MACROD2: variants seen among roughly 807,000 people sequenced by gnomAD.
MACROD2 encodes the protein mono-ADP ribosylhydrolase 2.
In MACROD2, 36 loss-of-function variants were observed where a neutral mutation model predicts 70.4. The ratio of observed to expected loss-of-function variants is 0.51; its 90% confidence interval spans 0.39 to 0.68. The LOEUF is 0.68. MACROD2 is among the 30% of genes least tolerant of loss of function. MACROD2 has a pLI of 0.00. For synonymous variants in MACROD2, 172 were observed against 178.8 expected (o/e 0.96, Z 0.30); for missense variants, 496 against 538.4 (o/e 0.92, Z 0.78).
At chr20:14,270,184 CAT>C (rs1294868681) in intron 3 of MACROD2, among the ~76,000 whole-genome samples, 1 of 152,044 alleles carries the variant, frequency 6.6e-6, no homozygotes, top group Non-Finnish European at 1.5e-5. Context: ...TCAAAAACAA[CAT>C]ATGAAAGTGT....
intron 3 of MACROD2, among the ~76,000 whole-genome samples, chr20:14,250,777 A>G (rs1433434298): frequency 6.6e-6 from 1 of 152,198 alleles, no homozygotes; most frequent in Non-Finnish European, 1.5e-5. Flanking sequence ...CAATAATAAT[A>G]ATAATGTCAA....
intron 3 of MACROD2, among the ~76,000 whole-genome samples, chr20:14,225,351 A>G (rs2081722594): frequency 6.6e-6 from 1 of 152,232 alleles, no homozygotes. Context: ...TATATGAGAA[A>G]TATTGGAACA....
chr20:15,094,741 T>C (rs2075816318), intron 5 of MACROD2, among the ~76,000 whole-genome samples: 1 of 152,194 alleles, frequency 6.6e-6, no homozygotes, highest in Admixed American at 6.5e-5. Flanking sequence ...TCTTTTTCTT[T>C]GTTTCTTAAA....
At chr20:14,489,106 G>A (rs1049253008) in intron 3 of MACROD2, among the ~76,000 whole-genome samples, 1 of 152,218 alleles carries the variant, frequency 6.6e-6, no homozygotes, top group African/African-American at 2.4e-5. Context: ...AGCATGAACT[G>A]TAAAGTATTA....
chr20:15,116,630 A>C (rs1217648355), intron 5 of MACROD2, among the ~76,000 whole-genome samples: 2 of 152,144 alleles, frequency 1.3e-5, no homozygotes, highest in African/African-American at 4.8e-5. Context: ...GGGCAATAAG[A>C]ACGGAAATTC....
In MACROD2 at chr20:14,915,384, C is replaced by T. The variant is rs1038646350; in HGVS notation, c.418+230425C>T. 3.3e-5 allele frequency among the ~76,000 whole-genome samples: 5 copies of T among 152,162 alleles called. No individual in the cohort carries two copies. In the South Asian group the frequency reaches 1.0e-3, roughly 32 times the overall value. On this transcript the variant is annotated intron_variant, in intron 5 of 17. Transcript: ENST00000684519. ...AGTAAGAGAAATGTGGGAAGAAGTT[C>T]AAGGAACAGAAACTGTTTGGGGAAG...
At chr20:13,996,938 A>G (rs925400238) in intron 1 of MACROD2, among the ~76,000 whole-genome samples, 3 of 152,188 alleles carry the variant, frequency 2.0e-5, no homozygotes, top group African/African-American at 7.2e-5. Context: ...ATAGTTCGTT[A>G]AAACCTGTAG....
At chr20:16,008,416 T>G (rs1037729142) in intron 15 of MACROD2, among the ~76,000 whole-genome samples, 4 of 152,220 alleles carry the variant, frequency 2.6e-5, no homozygotes, top group Admixed American at 2.0e-4. Flanking sequence ...AAAGATTTAT[T>G]TTTAATAGAA....
At chr20:14,283,950 G>C (rs1304170671) in intron 3 of MACROD2, among the ~76,000 whole-genome samples, 1 of 152,196 alleles carries the variant, frequency 6.6e-6, no homozygotes, top group Admixed American at 6.6e-5. Context: ...GGTTGGAAAT[G>C]CTTACATGTT....
chr20:15,903,499 G>C (rs1168692384), intron 10 of MACROD2, among the ~76,000 whole-genome samples: 1 of 152,200 alleles, frequency 6.6e-6, no homozygotes, highest in Non-Finnish European at 1.5e-5. Context: ...TTCCGCACTA[G>C]AGTGTGCATG....
intron 5 of MACROD2, among the ~76,000 whole-genome samples, chr20:15,157,564 GTT>G (rs1231140300): frequency 1.3e-5 from 2 of 152,082 alleles, no homozygotes; most frequent in Non-Finnish European, 2.9e-5. Context: ...GCAGGTGTGT[GTT>G]TTGATTATTT....
intron 1 of MACROD2, among the ~76,000 whole-genome samples, chr20:13,999,549 A>G (rs925015040): frequency 1.3e-5 from 2 of 152,174 alleles, no homozygotes; most frequent in Non-Finnish European, 2.9e-5. Context: ...TTGTGAGGTT[A>G]AGAGCTTTGA....
At chr20:15,517,389 G>T (rs1378536856) in intron 8 of MACROD2, among the ~76,000 whole-genome samples, 1 of 152,104 alleles carries the variant, frequency 6.6e-6, no homozygotes, top group African/African-American at 2.4e-5. Context: ...AAGTAGACCT[G>T]CCCTCCTTTC....
At chr20:15,853,760 G>C (rs886687245) in intron 8 of MACROD2, among the ~76,000 whole-genome samples, 1 of 152,136 alleles carries the variant, frequency 6.6e-6, no homozygotes, top group Non-Finnish European at 1.5e-5. Context: ...CTGACACCTT[G>C]ATTTTAGCCT....
intron 5 of MACROD2, among the ~76,000 whole-genome samples, chr20:14,951,283 G>A (rs904634342): frequency 5.9e-5 from 9 of 152,112 alleles, no homozygotes; most frequent in African/African-American, 2.2e-4. Flanking sequence ...CAGAACTGGG[G>A]TATCAAGTAG....
chr20:15,996,574 A>G (rs1349839772), intron 15 of MACROD2, among the ~76,000 whole-genome samples: 14 of 152,092 alleles, frequency 9.2e-5, no homozygotes, highest in Non-Finnish European at 2.9e-5. Flanking sequence ...AATCTGTTTT[A>G]TTATAATTCT....
chr20:14,346,541 AC>A (rs2083066102), intron 3 of MACROD2, among the ~76,000 whole-genome samples: 2 of 152,222 alleles, frequency 1.3e-5, no homozygotes, highest in South Asian at 4.1e-4. Context: ...TCTAACAAAA[AC>A]ATGGTATTCA....
At chr20:15,329,740 G>A (rs2077972090) in intron 6 of MACROD2, among the ~76,000 whole-genome samples, 3 of 151,924 alleles carry the variant, frequency 2.0e-5, no homozygotes, top group Admixed American at 6.6e-5. Context: ...TCTCAAAGGG[G>A]GCTTAAACTT....
At chr20:14,585,933 A>G (rs977519931) in intron 4 of MACROD2, among the ~76,000 whole-genome samples, 1 of 152,114 alleles carries the variant, frequency 6.6e-6, no homozygotes, top group Non-Finnish European at 1.5e-5. Flanking sequence ...CCAACCATTT[A>G]AACACCACTA....
Sources: gnomAD v4.1 joint callset for allele counts (sites outside exome capture counted in the v4.1 genomes callset) on GRCh38, gnomAD v4.1.1 for gene constraint, MANE v1.5 for transcripts, NCBI Gene and HGNC (gene_info 2026-07-23, HGNC 2026-07-21) for gene names.